The following DNAJC7 variants were observed in gnomAD, a reference collection of about 807,000 sequenced individuals.
The protein encoded by DNAJC7 is DnaJ heat shock protein family (Hsp40) member C7, also known as dnaJ homolog subfamily C member 7.
A neutral mutation model predicts 67.4 loss-of-function variants in DNAJC7; 18 were observed. The observed-to-expected ratio is 0.27, with a 90% confidence interval of 0.18 to 0.40. DNAJC7 has a LOEUF of 0.40. DNAJC7 is among the 10% of genes least tolerant of loss of function. DNAJC7 has a pLI of 1.00. For synonymous variants in DNAJC7, 220 were observed against 207.8 expected (o/e 1.06, Z -0.50); for missense variants, 419 against 613.8 (o/e 0.68, Z 3.35).
intron 2 of DNAJC7, among the ~76,000 whole-genome samples, chr17:41,997,457 C>T (rs1308219338): frequency 4.6e-5 from 7 of 151,130 alleles, no homozygotes; most frequent in African/African-American, 1.7e-4. Flanking sequence ...AATAGCTGGG[C>T]GTGGTGGTGG....
chr17:42,004,349 G>A (rs1305172492), intron 1 of DNAJC7, among the ~76,000 whole-genome samples: 3 of 152,182 alleles, frequency 2.0e-5, no homozygotes, highest in African/African-American at 7.2e-5. Context: ...CAAGATGGCT[G>A]CACAGGTCTC....
At position 42,003,006 on chromosome 17, in the gene DNAJC7, T is replaced by C. The variant is rs115517037; in HGVS notation, c.78-2436A>G. On this transcript the variant is annotated intron_variant, in intron 1 of 13. Transcript: ENST00000457167. ...CTCCCCAAAGAAATGCATTTCATTT[T>C]AGTAAATGGTGAGTAGATTCCATTC... Among the ~76,000 whole-genome samples the C allele has an allele frequency of 8.9e-4, 136 of 152,288 alleles. 2 individuals are homozygous for C. Among genetic ancestry groups the C allele is most frequent in the African/African-American group, 3.2e-3 (133 of 41,556 alleles).
At chr17:41,988,415 G>C (rs1555647194) in intron 8 of DNAJC7, among the ~76,000 whole-genome samples, 1 of 152,142 alleles carries the variant, frequency 6.6e-6, no homozygotes, top group African/African-American at 2.4e-5. Flanking sequence ...AAAAATAAAT[G>C]ATCACTTGCA....
At chr17:41,989,859 C>T (rs1259361150) in intron 6 of DNAJC7, among the ~76,000 whole-genome samples, 5 of 152,248 alleles carry the variant, frequency 3.3e-5, no homozygotes, top group African/African-American at 1.2e-4. Flanking sequence ...CAAACAGCCA[C>T]ACCCATTGGT....
intron 8 of DNAJC7, among the ~76,000 whole-genome samples, chr17:41,988,392 C>T (rs1359512259): frequency 5.3e-5 from 8 of 152,154 alleles, no homozygotes; most frequent in African/African-American, 1.9e-4. Context: ...ACTCTTCCTC[C>T]AAATCACTCC....
At chr17:42,004,879 G>T (rs2051905216) in intron 1 of DNAJC7, among the ~76,000 whole-genome samples, 1 of 152,128 alleles carries the variant, frequency 6.6e-6, no homozygotes, top group Non-Finnish European at 1.5e-5. Context: ...TTAAAAATTA[G>T]CTGGGCATGG....
intron 8 of DNAJC7, among the ~76,000 whole-genome samples, chr17:41,988,242 T>G (rs2051431324): frequency 6.6e-6 from 1 of 152,202 alleles, no homozygotes; most frequent in Non-Finnish European, 1.5e-5. Context: ...TCACTCTGAT[T>G]TTTAACTGCT....
At chr17:41,983,466 G>A (rs1555646294) in intron 10 of DNAJC7, 97 bp downstream of exon 10, 9 of 1,121,662 alleles carry the variant, frequency 8.0e-6, no homozygotes, top group Non-Finnish European at 1.2e-5. Context: ...TAAGTTCTAG[G>A]TAGATCCCTG....
rs530252984 is a variant in DNAJC7 at position 41,986,345 on chromosome 17, G to A, written c.1010+1474C>T. 9.2e-5 allele frequency among the ~76,000 whole-genome samples: 14 copies of A among 151,694 alleles called. No homozygotes were observed. The South Asian group carries it at 1.7e-3, about 18-fold the overall frequency. On this transcript the variant is annotated intron_variant, in intron 9 of 13. Transcript: ENST00000457167. ...GGTGCTACTGCACTCCAGCCTGAGC[G>A]ACATAGCGAGACTCCATCCCGAGCG...
At position 42,017,331 on chromosome 17, in the gene DNAJC7, C is replaced by T; in HGVS notation, c.77+9G>A. ...GGTCGCCTCCTCTACTACCCTGCTACCCGGTTACCTCTTCGCCTCTTGGTC... is the reference window on the plus strand; with the variant it reads ...GGTCGCCTCCTCTACTACCCTGCTATCCGGTTACCTCTTCGCCTCTTGGTC... On this transcript the variant is annotated intron_variant, in intron 1 of 13. Coordinates refer to ENST00000457167, the MANE Select transcript of DNAJC7 (RefSeq NM_003315.4). 6.2e-7 allele frequency: 1 copy of T among 1,611,736 alleles called. No homozygotes were observed. The highest frequency in any genetic ancestry group is 1.6e-4 in the Middle Eastern group (1 of 6,062).
At chr17:41,978,311 T>G (rs1395863560) in intron 12 of DNAJC7, among the ~76,000 whole-genome samples, 1 of 152,150 alleles carries the variant, frequency 6.6e-6, no homozygotes, top group East Asian at 1.9e-4. Context: ...CTTGCATCTG[T>G]GTGTCTTCCT....
intron 5 of DNAJC7, chr17:41,992,813 G>C (rs1332735661): frequency 6.6e-6 from 1 of 152,108 alleles, no homozygotes; most frequent in Non-Finnish European, 1.5e-5. Flanking sequence ...AGCTACAGTG[G>C]GGGGGCTGGG....
chr17:42,011,991 T>C (rs1336362305), intron 1 of DNAJC7, among the ~76,000 whole-genome samples: 1 of 152,228 alleles, frequency 6.6e-6, no homozygotes, highest in Non-Finnish European at 1.5e-5. Context: ...GAGTGTACAA[T>C]ACCTAGGTAG....
At chr17:42,011,048 T>C (rs1555650984) in intron 1 of DNAJC7, 1 of 152,164 alleles carries the variant, frequency 6.6e-6, no homozygotes, top group Non-Finnish European at 1.5e-5. Context: ...TTTAAAAGAA[T>C]ACCTGGAAAG....
chr17:41,977,029 G>T, intron 13 of DNAJC7: 6 of 639,820 alleles, frequency 9.4e-6, no homozygotes, highest in Non-Finnish European at 1.6e-5. Flanking sequence ...GGCAGTTAGA[G>T]ATGCCTCCCT....
At chr17:41,983,726 A>C in intron 9 of DNAJC7, 90 bp from the exon 10 acceptor site, 3 of 1,114,264 alleles carry the variant, frequency 2.7e-6, no homozygotes, top group African/African-American at 1.6e-5. Flanking sequence ...TGGCTCAAGC[A>C]AGAGACACAC....
intron 1 of DNAJC7, chr17:42,011,060 CCT>C (rs1223985257): frequency 6.6e-6 from 1 of 152,162 alleles, no homozygotes; most frequent in African/African-American, 2.4e-5. Context: ...CCTGGAAAGA[CCT>C]CTGAGTAACT....
In DNAJC7 at chr17:42,000,471, T is replaced by C. The variant is rs1555649344; in HGVS notation, c.166+11A>G. ...AAATGTTTTCTAGCGTAAGTATCAG[T>C]TCTTTCTCACCTATGGCTTTTGTAT... is the stretch of plus-strand genomic sequence containing the variant. On this transcript the variant is annotated intron_variant, in intron 2 of 13. Coordinates refer to ENST00000457167, the MANE Select transcript of DNAJC7 (RefSeq NM_003315.4). The C allele has an allele frequency of 1.3e-6, 2 of 1,583,506 alleles. No individual in the cohort carries two copies. Among genetic ancestry groups the C allele is most frequent in the African/African-American group, 2.7e-5 (2 of 73,700 alleles).
At position 41,977,255 on chromosome 17, in the gene DNAJC7, A is replaced by G; in HGVS notation, c.1447+6T>C. ...GGGAACTCCCAAGAACAGCAGGCCC[A>G]CCTACCTTCAAAGCTGAAGCCGCCA... On this transcript the variant is annotated splice_donor_region_variant and intron_variant, in intron 13 of 13. Coordinates refer to ENST00000457167, the MANE Select transcript of DNAJC7 (RefSeq NM_003315.4). 6.3e-7 allele frequency: 1 copy of G among 1,577,674 alleles called. No homozygotes were observed. Among genetic ancestry groups the G allele is most frequent in the Non-Finnish European group, 8.6e-7 (1 of 1,161,954 alleles).
Sources: allele counts gnomAD v4.1 joint callset (sites outside exome capture counted in the v4.1 genomes callset), GRCh38; gene constraint gnomAD v4.1.1; transcripts MANE v1.5; gene names NCBI Gene and HGNC (gene_info 2026-07-23, HGNC 2026-07-21).